MARCHF1: variants seen among roughly 807,000 people sequenced by gnomAD.
The protein encoded by MARCHF1 is E3 ubiquitin-protein ligase MARCHF1.
MARCHF1 carries 40 observed loss-of-function variants against 54.2 expected under a neutral mutation model. The observed-to-expected ratio is 0.74, with a 90% CI of 0.57 to 0.96. MARCHF1 has a LOEUF of 0.96. Among genes scored for constraint, MARCHF1 ranks in the 40% least tolerant of loss-of-function variants. The pLI, the probability that MARCHF1 is intolerant of heterozygous loss-of-function variation, is 0.00. For synonymous variants in MARCHF1, 236 were observed against 236.3 expected, an observed-to-expected ratio of 1.00 and a Z score of 0.01; for missense variants, 586 against 656.5, an observed-to-expected ratio of 0.89 and a Z score of 1.17.
At chr4:164,052,431 C>T (rs1483418680) in intron 2 of MARCHF1, among the ~76,000 whole-genome samples, 1 of 151,990 alleles carries the variant, frequency 6.6e-6, no homozygotes, top group African/African-American at 2.4e-5. Flanking sequence ...ACTATGGAGG[C>T]TGAGGCAGGA....
Position 164,177,806 on chromosome 4 carries a change from G to GAGACACACACAC in MARCHF1, c.-322-66145_-322-66144insGTGTGTGTGTCT, listed in dbSNP as rs148681185. The stretch of plus-strand genomic sequence containing the variant: ...TCAATCTCAGTGTGTGTATGAAAGA[G>GAGACACACACAC]ACACACACACACACACACACACACA... On this transcript the variant is annotated intron_variant, in intron 1 of 9. Transcript: ENST00000514618. Among the ~76,000 whole-genome samples the GAGACACACACAC allele has an allele frequency of 4.8e-3, 710 of 149,308 alleles. 5 individuals carry two copies. The highest frequency in any genetic ancestry group is 9.9e-3 in the South Asian group (47 of 4,738).
rs192184353 is a variant in MARCHF1, at chr4:164,368,361, A to G, written c.-323+15509T>C. On this transcript the variant is annotated intron_variant, in intron 1 of 9. Transcript: ENST00000514618. ...AATATAATTTAAAAATAAGTAGAAA[A>G]CATCAAGACACTTATAATGATTATT... Among the ~76,000 whole-genome samples the G allele has an allele frequency of 1.3e-4, 19 of 151,884 alleles. No homozygotes were observed. In the East Asian group the frequency reaches 2.5e-3, roughly 20 times the overall value.
At chr4:163,609,587 T>C (rs1228624320) in intron 7 of MARCHF1, among the ~76,000 whole-genome samples, 2 of 150,826 alleles carry the variant, frequency 1.3e-5, no homozygotes, top group Non-Finnish European at 2.9e-5. Flanking sequence ...TTAAGCCTAT[T>C]TTATTTAGAA....
At chr4:164,188,274 G>T (rs1042918589) in intron 1 of MARCHF1, 7 of 299,654 alleles carry the variant, frequency 2.3e-5, no homozygotes, top group African/African-American at 4.3e-5. Flanking sequence ...CCGACCGACT[G>T]GGGTGTTTCG....
intron 1 of MARCHF1, among the ~76,000 whole-genome samples, chr4:164,150,563 G>C (rs1055404180): frequency 6.6e-6 from 1 of 152,074 alleles, no homozygotes; most frequent in Non-Finnish European, 1.5e-5. Context: ...TCTTGAGCTT[G>C]GTCCTGTTTA....
chr4:164,015,815 G>A (rs112138473), intron 2 of MARCHF1, among the ~76,000 whole-genome samples: 1,901 of 151,912 alleles, frequency 0.013, 24 homozygotes, highest in Middle Eastern at 0.034. Context: ...TAACAAATGC[G>A]GAGAAAGAGG....
chr4:163,642,778 CT>C (rs1742600280), intron 5 of MARCHF1, among the ~76,000 whole-genome samples: 1 of 152,018 alleles, frequency 6.6e-6, no homozygotes, highest in Admixed American at 6.6e-5. Context: ...CTAAAAACAC[CT>C]GTATCTATGG....
chr4:164,065,771 G>A (rs1389616460), intron 2 of MARCHF1, among the ~76,000 whole-genome samples: 1 of 152,142 alleles, frequency 6.6e-6, no homozygotes, highest in Non-Finnish European at 1.5e-5. Context: ...GAGAGCCCCA[G>A]GCAAACCACT....
At chr4:164,216,502 A>G (rs989896371) in intron 1 of MARCHF1, among the ~76,000 whole-genome samples, 1 of 152,216 alleles carries the variant, frequency 6.6e-6, no homozygotes, top group African/African-American at 2.4e-5. Context: ...ATAGCAGTAG[A>G]TTGAAAAAAT....
At chr4:164,348,009 A>G (rs1730159574) in intron 1 of MARCHF1, among the ~76,000 whole-genome samples, 1 of 152,208 alleles carries the variant, frequency 6.6e-6, no homozygotes, top group Admixed American at 6.5e-5. Context: ...TTAGTTGAGA[A>G]GGGAGGGCAG....
At position 164,353,872 on chromosome 4, in the gene MARCHF1, T is replaced by A. The variant is rs1372130501; in HGVS notation, c.-323+29998A>T. ...AAAATTGATAGACTGCTAGCAAGAC[T>A]AATAAAGAAAAAAAGAGAGAAGAAT... On this transcript the variant is annotated intron_variant, in intron 1 of 9. Coordinates refer to ENST00000514618, the MANE Select transcript of MARCHF1 (RefSeq NM_001394959.1). 3.2e-3 allele frequency among the ~76,000 whole-genome samples: 452 copies of A among 139,256 alleles called. 2 individuals carry two copies. Among genetic ancestry groups the A allele is most frequent in the African/African-American group, 0.012 (431 of 37,250 alleles). 91.4% of individuals were successfully genotyped at this position (139,256 alleles called of 152,430 possible).
chr4:163,873,053 A>AC (rs70948668), intron 3 of MARCHF1, among the ~76,000 whole-genome samples: 12 of 132,272 alleles, frequency 9.1e-5, no homozygotes, highest in African/African-American at 2.8e-4. Flanking sequence ...CAAAAAAAAA[A>AC]CAAACAAACA....
rs574919963 is a variant in MARCHF1 at position 163,868,284 on chromosome 4, A to G, written c.-38-14115T>C. 5.9e-5 allele frequency among the ~76,000 whole-genome samples: 9 copies of G among 152,052 alleles called. No homozygotes were observed. In the South Asian group the frequency reaches 1.9e-3, roughly 31 times the overall value. On this transcript the variant is annotated intron_variant, in intron 3 of 9. Coordinates refer to ENST00000514618, the MANE Select transcript of MARCHF1 (RefSeq NM_001394959.1). ...AGAAAAATTTATGACCCAATGATGA[A>G]TACTATTTTGCTGTCTACATGAAAA...
intron 1 of MARCHF1, chr4:164,197,451 C>T (rs759850294): frequency 3.1e-6 from 5 of 1,613,572 alleles, no homozygotes; most frequent in African/African-American, 1.3e-5. Context: ...AATATAGATG[C>T]GTGAGGTTTG....
chr4:163,904,436 G>T (rs907195402), intron 3 of MARCHF1, among the ~76,000 whole-genome samples: 65 of 152,128 alleles, frequency 4.3e-4, no homozygotes, highest in African/African-American at 1.5e-3. Context: ...ATTTTAATGG[G>T]ACAGGTGCTG....
chr4:163,592,288 T>G (rs962930568), intron 7 of MARCHF1, among the ~76,000 whole-genome samples: 3 of 152,172 alleles, frequency 2.0e-5, no homozygotes, highest in African/African-American at 7.2e-5. Flanking sequence ...TAAAAGTGTT[T>G]TGTTTTCTCA....
At chr4:164,330,715 G>C (rs1735414002) in intron 1 of MARCHF1, among the ~76,000 whole-genome samples, 2 of 152,088 alleles carry the variant, frequency 1.3e-5, no homozygotes, top group Non-Finnish European at 2.9e-5. Flanking sequence ...AAGGCTAACT[G>C]ATACAGGATA....
chr4:164,203,265 A>C (rs1731504653), intron 1 of MARCHF1, among the ~76,000 whole-genome samples: 5 of 152,088 alleles, frequency 3.3e-5, no homozygotes, highest in Admixed American at 3.3e-4. Flanking sequence ...TTCAGGTAAG[A>C]GAAAGAAGGA....
chr4:163,724,485 G>A lies in MARCHF1; in HGVS notation c.112-23622C>T, dbSNP rs557396678. ...ACCCACTTGAGGAGGCAGTCTGTCC[G>A]TTCTCAGATCTCAAACTCCATGCTG... On this transcript the variant is annotated intron_variant, in intron 4 of 9. Transcript: ENST00000514618. Among the ~76,000 whole-genome samples, 5 of 152,312 alleles carry A rather than the reference G, an allele frequency of 3.3e-5. No individual in the cohort carries two copies. The South Asian group carries it at 6.2e-4, about 19-fold the overall frequency.
Sources: gnomAD v4.1 joint callset for allele counts (sites outside exome capture counted in the v4.1 genomes callset) on GRCh38, gnomAD v4.1.1 for gene constraint, MANE v1.5 for transcripts, NCBI Gene and HGNC (gene_info 2026-07-23, HGNC 2026-07-21) for gene names.